THSD4: variants seen among roughly 807,000 people sequenced by gnomAD.
THSD4 encodes thrombospondin type 1 domain containing 4, also known as thrombospondin type-1 domain-containing protein 4.
Under a neutral mutation model 119.0 loss-of-function variants are expected in THSD4, and 69 were observed. That is an observed-to-expected ratio of 0.58 (90% CI 0.48 to 0.71). The LOEUF (loss-of-function observed/expected upper bound fraction) is 0.71. Ranked by LOEUF, THSD4 falls within the 30% of genes least tolerant of loss-of-function variation. The probability of loss-of-function intolerance (pLI) is 0.00; values close to 1 mark genes in which losing one functional copy is unlikely to be tolerated. For missense variants in THSD4, 1,393 were observed against 1,391.1 expected (o/e 1.00, Z -0.02); for synonymous variants, 524 against 540.4 (o/e 0.97, Z 0.42).
At chr15:71,115,419 G>T (rs1202494864), upstream of THSD4, 1 of 152,190 alleles carries the variant, frequency 6.6e-6, no homozygotes, top group African/African-American at 2.4e-5. This position sits in a 1 kb window ranked among gnomAD's most constrained non-coding sequence, Gnocchi z 4.4. Flanking sequence ...GCGGGAGGCC[G>T]CAAGAGGGGA....
rs555197501 is a variant in THSD4 at position 71,448,865 on chromosome 15, G to C, written c.1152+37042G>C. ...TAGAAACTGACAAATTCTTCAGTCA[G>C]GGTGGTGAAAAGTTAAATATAGGTG... On this transcript the variant is annotated intron_variant, in intron 7 of 17. Transcript: ENST00000261862. Among the ~76,000 whole-genome samples, 4 of 152,324 alleles carry C rather than the reference G, an allele frequency of 2.6e-5. No homozygotes were observed. The East Asian group carries it at 7.7e-4, about 29-fold the overall frequency.
At chr15:71,318,021 A>G (rs936956070) in intron 6 of THSD4, among the ~76,000 whole-genome samples, 5 of 152,168 alleles carry the variant, frequency 3.3e-5, no homozygotes, top group Non-Finnish European at 7.3e-5. Context: ...TTATATGCCC[A>G]GGAGGATGGT....
At chr15:71,525,732 A>G (rs560519079) in intron 7 of THSD4, among the ~76,000 whole-genome samples, 1 of 152,296 alleles carries the variant, frequency 6.6e-6, no homozygotes, top group African/African-American at 2.4e-5. Context: ...AAAAGTCAGA[A>G]TCTGTTGGGA....
chr15:71,372,222 G>A lies in THSD4; in HGVS notation c.1016-39465G>A, dbSNP rs548364390. 9.2e-5 allele frequency among the ~76,000 whole-genome samples: 14 copies of A among 152,266 alleles called. No individual in the cohort carries two copies. The South Asian group carries it at 1.2e-3, about 14-fold the overall frequency. On this transcript the variant is annotated intron_variant, in intron 6 of 17. Coordinates refer to ENST00000261862, the MANE Select transcript of THSD4 (RefSeq NM_024817.3). ...TTTTTAGCTTCTTTGTAATGGGTTC[G>A]AACTTCCTTCTTTAGTTCAGAGAAG...
rs181091225 is a variant in THSD4, at chr15:71,254,689, A to G, written c.913-1924A>G. ...TTGAACTCTGGCTCAGGCCAAAGGC[A>G]TGTGAAAAGCATCTTAGTTAACTCA... is the stretch of plus-strand genomic sequence containing the variant. On this transcript the variant is annotated intron_variant, in intron 5 of 17. Coordinates refer to ENST00000261862, the MANE Select transcript of THSD4 (RefSeq NM_024817.3). Among the ~76,000 whole-genome samples the G allele has an allele frequency of 5.3e-5, 8 of 152,314 alleles. No individual in the cohort carries two copies. The East Asian group carries it at 1.4e-3, about 26-fold the overall frequency.
At position 71,620,482 on chromosome 15, in the gene THSD4, G is replaced by A. The variant is rs1007218826; in HGVS notation, c.1153-40048G>A. ...TCGCCGGGCATGGTGGTGCATGCCC[G>A]GAGTCCCAGCTACTCAGGAGACTGA... is the stretch of plus-strand genomic sequence containing the variant. On this transcript the variant is annotated intron_variant, in intron 7 of 17. Coordinates refer to ENST00000261862, the MANE Select transcript of THSD4 (RefSeq NM_024817.3). 6.5e-4 allele frequency among the ~76,000 whole-genome samples: 99 copies of A among 151,940 alleles called. 1 individual carries two copies. The highest frequency in any genetic ancestry group is 2.0e-3 in the African/African-American group (83 of 41,426).
chr15:71,256,532 A>G (rs772491144), intron 5 of THSD4, 81 bp from the exon 6 acceptor site: 2 of 949,436 alleles, frequency 2.1e-6, no homozygotes, highest in South Asian at 2.4e-5. Context: ...AAAGTTGGAA[A>G]GGTATCCAGG....
intron 7 of THSD4, among the ~76,000 whole-genome samples, chr15:71,610,375 T>C (rs1011478174): frequency 2.6e-5 from 4 of 152,180 alleles, no homozygotes; most frequent in Non-Finnish European, 5.9e-5. Flanking sequence ...CATAGATATA[T>C]GTGAACCACA....
At chr15:71,770,938 G>A in intron 16 of THSD4, 126 bp from the exon 17 acceptor site, 1 of 1,389,486 alleles carries the variant, frequency 7.2e-7, no homozygotes, top group South Asian at 1.4e-5. Context: ...ATAGGTACAT[G>A]GGAGTTTGTT....
intron 10 of THSD4, among the ~76,000 whole-genome samples, chr15:71,734,853 A>G (rs942516003): frequency 1.1e-4 from 16 of 151,410 alleles, no homozygotes; most frequent in Non-Finnish European, 2.4e-4. Context: ...CACAGCTCCC[A>G]ACCCCATGCC....
intron 7 of THSD4, among the ~76,000 whole-genome samples, chr15:71,427,977 C>T (rs1385778024): frequency 6.6e-6 from 1 of 152,102 alleles, no homozygotes; most frequent in African/African-American, 2.4e-5. Context: ...GATCCCCTCC[C>T]CTAGCTTTAT....
At chr15:71,217,867 A>T (rs1032382374) in intron 4 of THSD4, among the ~76,000 whole-genome samples, 1 of 149,492 alleles carries the variant, frequency 6.7e-6, no homozygotes, top group Non-Finnish European at 1.5e-5. Flanking sequence ...GTTCACTGCA[A>T]CCTCCACCTC....
chr15:71,419,258 A>G lies in THSD4; in HGVS notation c.1152+7435A>G, dbSNP rs142301584. Among the ~76,000 whole-genome samples the G allele has an allele frequency of 5.9e-3, 614 of 104,788 alleles. 191 individuals are homozygous for G. Among genetic ancestry groups the G allele is most frequent in the Middle Eastern group, 0.013 (3 of 240 alleles). 68.7% of individuals were successfully genotyped at this position (104,788 alleles called of 152,430 possible). On this transcript the variant is annotated intron_variant, in intron 7 of 17. Coordinates refer to ENST00000261862, the MANE Select transcript of THSD4 (RefSeq NM_024817.3). ...TGCCCTGTTGCTGAGGCTAGAGTAC[A>G]GGGGCATGATCACAGCTCACTGCAG...
At chr15:71,645,507 G>A (rs1235483075) in intron 7 of THSD4, among the ~76,000 whole-genome samples, 1 of 152,086 alleles carries the variant, frequency 6.6e-6, no homozygotes, top group Non-Finnish European at 1.5e-5. Flanking sequence ...TTTGGGTGGG[G>A]ACATAGCCAA....
intron 6 of THSD4, among the ~76,000 whole-genome samples, chr15:71,318,127 G>C (rs2045216933): frequency 6.6e-6 from 1 of 152,110 alleles, no homozygotes; most frequent in South Asian, 2.1e-4. Context: ...TTCCTAATCT[G>C]CTTGGTCCGC....
chr15:71,497,520 A>AC (rs2048039955), intron 7 of THSD4, among the ~76,000 whole-genome samples: 3 of 151,648 alleles, frequency 2.0e-5, no homozygotes, highest in East Asian at 1.9e-4. Context: ...CTCAAAAACA[A>AC]AAAAAAAGGC....
At chr15:71,116,797 C>G (rs116930590) in intron 1 of THSD4, among the ~76,000 whole-genome samples, 1,969 of 152,102 alleles carry the variant, frequency 0.013, 22 homozygotes, top group South Asian at 0.028. Flanking sequence ...TTAAAATCCG[C>G]GTGTCTTCTA....
intron 6 of THSD4, among the ~76,000 whole-genome samples, chr15:71,400,037 A>T (rs1049044418): frequency 1.3e-5 from 2 of 152,172 alleles, no homozygotes; most frequent in Non-Finnish European, 2.9e-5. Flanking sequence ...ATAAAAATTT[A>T]AAAAGAAATT....
At chr15:71,394,078 A>ATTT (rs36141571) in intron 6 of THSD4, among the ~76,000 whole-genome samples, 64,774 of 147,930 alleles carry the variant, frequency 0.44, 15,846 homozygotes, top group Middle Eastern at 0.6. Context: ...GATACACAAT[A>ATTT]TTTTTTTTTT....
Sources: gnomAD v4.1 joint callset for allele counts (sites outside exome capture counted in the v4.1 genomes callset) on GRCh38, gnomAD v4.1.1 for gene constraint, Gnocchi (gnomAD v3.1) non-coding constraint, MANE v1.5 for transcripts, NCBI Gene and HGNC (gene_info 2026-07-23, HGNC 2026-07-21) for gene names.